The following IGF2R variants were observed in gnomAD, a reference collection of about 807,000 sequenced individuals.
The protein encoded by IGF2R is cation-independent mannose-6-phosphate receptor.
A neutral mutation model predicts 270.6 loss-of-function variants in IGF2R; 91 were observed. That is an observed-to-expected ratio of 0.34 (90% CI 0.28 to 0.40). The LOEUF is 0.40. Among genes scored for constraint, IGF2R ranks in the 10% least tolerant of loss-of-function variants. IGF2R has a pLI of 1.00. For synonymous variants in IGF2R, 1,316 were observed against 1,258.9 expected (o/e 1.05, Z -0.96); for missense variants, 2,805 against 3,188.3 (o/e 0.88, Z 2.90).
chr6:160,024,976 G>A (rs1242670221), intron 5 of IGF2R, among the ~76,000 whole-genome samples: 3 of 151,992 alleles, frequency 2.0e-5, no homozygotes, highest in African/African-American at 4.8e-5. Flanking sequence ...CTTGGGTTTC[G>A]GGATTCTACA....
intron 47 of IGF2R, 39 bp downstream of exon 47, chr6:160,103,854 C>T: frequency 7.2e-7 from 1 of 1,387,268 alleles, no homozygotes; most frequent in Non-Finnish European, 1.0e-6. Flanking sequence ...GCCTGCCTCC[C>T]CGGCCCCCTG....
At chr6:160,056,220 G>A (rs1236398686) in intron 19 of IGF2R, among the ~76,000 whole-genome samples, 11 of 152,202 alleles carry the variant, frequency 7.2e-5, no homozygotes, top group Non-Finnish European at 1.2e-4. Context: ...ATATCCAAGC[G>A]TAGGAGATTA....
Position 160,084,474 on chromosome 6 carries a change from G to A in IGF2R, c.6068+290G>A, listed in dbSNP as rs890687962. 6.6e-6 allele frequency among the ~76,000 whole-genome samples: 1 copy of A among 152,188 alleles called. No individual in the cohort carries two copies. Among genetic ancestry groups the A allele is most frequent in the African/African-American group, 2.4e-5 (1 of 41,436 alleles). ...GTTAGGCTGGGTTTGATTTGCGTTT[G>A]TGTGTAGCTCAGGTTGTGGGAGGCG... is the stretch of plus-strand genomic sequence containing the variant. On this transcript the variant is annotated intron_variant, in intron 40 of 47. Coordinates refer to ENST00000356956, the MANE Select transcript of IGF2R (RefSeq NM_000876.4). The surrounding 1 kb of genome is among the most constrained non-coding windows in gnomAD (Gnocchi z 4.6).
At chr6:160,099,673 A>G (rs1779441133) in intron 45 of IGF2R, among the ~76,000 whole-genome samples, 1 of 152,138 alleles carries the variant, frequency 6.6e-6, no homozygotes, top group South Asian at 2.1e-4. Flanking sequence ...GGCCTCATCA[A>G]CTTTATAATG....
At chr6:159,990,752 C>T (rs1783965604) in intron 1 of IGF2R, among the ~76,000 whole-genome samples, 1 of 152,174 alleles carries the variant, frequency 6.6e-6, no homozygotes, top group Admixed American at 6.5e-5. Flanking sequence ...GCCTCACCCT[C>T]CTAGGTAGCT....
At chr6:160,074,941 A>T (rs936890111) in intron 35 of IGF2R, among the ~76,000 whole-genome samples, 1 of 152,192 alleles carries the variant, frequency 6.6e-6, no homozygotes, top group Non-Finnish European at 1.5e-5. Flanking sequence ...GGGATCCTCG[A>T]TCGGGAATCA....
At chr6:160,016,617 C>T (rs1004341529) in intron 4 of IGF2R, among the ~76,000 whole-genome samples, 2 of 152,222 alleles carry the variant, frequency 1.3e-5, no homozygotes, top group Non-Finnish European at 2.9e-5. Flanking sequence ...CACAGTGCTA[C>T]GGCAGGAGAC....
chr6:160,096,257 G>T, intron 44 of IGF2R, 182 bp from the exon 45 acceptor site: 2 of 553,086 alleles, frequency 3.6e-6, no homozygotes, highest in Non-Finnish European at 6.4e-6. Context: ...TAAGGGCAGG[G>T]CTCTATCCAT....
chr6:160,075,653 A>C (rs1461443995), intron 35 of IGF2R, among the ~76,000 whole-genome samples, 194 bp from the exon 36 acceptor site: 1 of 152,156 alleles, frequency 6.6e-6, no homozygotes, highest in East Asian at 1.9e-4. Context: ...AACGATAACC[A>C]CTGACATACG....
intron 2 of IGF2R, 134 bp downstream of exon 2, chr6:159,991,457 A>G (rs1783978550): frequency 1.4e-6 from 1 of 699,600 alleles, no homozygotes; most frequent in South Asian, 2.1e-5. Flanking sequence ...TTTATAATAC[A>G]TAATACACAT....
intron 1 of IGF2R, among the ~76,000 whole-genome samples, chr6:159,983,175 G>T (rs1783831689): frequency 6.6e-6 from 1 of 152,186 alleles, no homozygotes; most frequent in African/African-American, 2.4e-5. Flanking sequence ...TCGGCCTGGG[G>T]CTACATTGAC....
At chr6:160,008,980 G>A (rs1229440160) in intron 2 of IGF2R, 30 bp from the exon 3 acceptor site, 4 of 1,611,144 alleles carry the variant, frequency 2.5e-6, no homozygotes, top group Non-Finnish European at 3.4e-6. Context: ...ATGTTTTATA[G>A]CCTGTTCACT....
intron 2 of IGF2R, among the ~76,000 whole-genome samples, chr6:159,999,064 C>T (rs1452028708): frequency 6.6e-6 from 1 of 152,102 alleles, no homozygotes; most frequent in Non-Finnish European, 1.5e-5. Flanking sequence ...GAGGCTGACA[C>T]CCAGTTTCTC....
At chr6:160,040,439 G>C (rs983283400) in intron 10 of IGF2R, 121 bp from the exon 11 acceptor site, 3 of 760,566 alleles carry the variant, frequency 3.9e-6, no homozygotes, top group Admixed American at 2.5e-5. Context: ...AAAAAAACCT[G>C]GACCTGAATT....
intron 4 of IGF2R, among the ~76,000 whole-genome samples, chr6:160,022,269 A>G (rs1292571559): frequency 6.6e-6 from 1 of 152,214 alleles, no homozygotes; most frequent in Non-Finnish European, 1.5e-5. Flanking sequence ...GTGAGGGTTG[A>G]GAAATGAGAA....
Position 159,969,397 on chromosome 6 carries a change from T to G in IGF2R, c.149+2T>G. On this transcript the variant is annotated splice_donor_variant, in intron 1 of 47. Coordinates refer to ENST00000356956, the MANE Select transcript of IGF2R (RefSeq NM_000876.4). LOFTEE classifies it high-confidence loss of function. ...CGCCCCGTTCCCCGAGCTGTGCAGG[T>G]GGGTGGCCCGCCCGGACGCAGGCTC... The G allele has an allele frequency of 8.1e-7, 1 of 1,228,060 alleles. No homozygotes were observed. The highest frequency in any genetic ancestry group is 1.0e-6 in the Non-Finnish European group (1 of 984,268). 76.1% of individuals were successfully genotyped at this position (1,228,060 alleles called of 1,614,324 possible).
At chr6:159,980,196 AAAG>A (rs1304301344) in intron 1 of IGF2R, among the ~76,000 whole-genome samples, 3 of 77,406 alleles carry the variant, frequency 3.9e-5, no homozygotes, top group South Asian at 1.2e-3. Flanking sequence ...AGAAAGAAAG[AAAG>A]AAAGAAAGAA....
intron 10 of IGF2R, 79 bp from the exon 11 acceptor site, chr6:160,040,481 C>A: frequency 2.4e-6 from 3 of 1,253,344 alleles, no homozygotes; most frequent in Admixed American, 1.9e-5. Context: ...TGGTCCTGTT[C>A]AGTTTCTTCC....
At chr6:160,001,205 T>A (rs1784124915) in intron 2 of IGF2R, among the ~76,000 whole-genome samples, 1 of 152,166 alleles carries the variant, frequency 6.6e-6, no homozygotes, top group South Asian at 2.1e-4. Context: ...CTTGCACTAC[T>A]GCCTGAGCTC....
Sources: gnomAD v4.1 joint callset for allele counts (sites outside exome capture counted in the v4.1 genomes callset) on GRCh38, gnomAD v4.1.1 for gene constraint, Gnocchi (gnomAD v3.1) non-coding constraint, MANE v1.5 for transcripts, NCBI Gene and HGNC (gene_info 2026-07-23, HGNC 2026-07-21) for gene names.